Variants in RNF24 observed in about 807,000 individuals in gnomAD.
RNF24 encodes the protein ring finger protein 24.
In RNF24, 14 loss-of-function variants were observed where a neutral mutation model predicts 20.0. The observed-to-expected ratio is 0.70, with a 90% CI of 0.46 to 1.10. The LOEUF (loss-of-function observed/expected upper bound fraction) is 1.10, where lower values mean the gene tolerates loss of function less well. Among genes scored for constraint, RNF24 ranks in the 50% least tolerant of loss-of-function variants. The pLI, the probability that RNF24 is intolerant of heterozygous loss-of-function variation, is 0.00. For missense variants in RNF24, 124 were observed against 177.6 expected, an observed-to-expected ratio of 0.70 and a Z score of 1.71; for synonymous variants, 45 against 61.1, an observed-to-expected ratio of 0.74 and a Z score of 1.23.
chr20:4,015,220 G>C (rs1056422438), intron 1 of RNF24: 12 of 152,468 alleles, frequency 7.9e-5, no homozygotes, highest in African/African-American at 2.9e-4. Context: ...CCGGGGCCGC[G>C]CCGGACCCTC....
chr20:3,986,128 C>G (rs924720674), intron 1 of RNF24, among the ~76,000 whole-genome samples: 1 of 152,146 alleles, frequency 6.6e-6, no homozygotes, highest in African/African-American at 2.4e-5. Flanking sequence ...TGAGACTTCA[C>G]TTTGAGGGCA....
chr20:3,938,992 A>G lies in RNF24; in HGVS notation c.229-3919T>C, dbSNP rs142358496. ...GGTCTCAAACTCCTGAGCTCAAGCA[A>G]TCTTCTCGTCTTGGCCTCCCAACGT... On this transcript the variant is annotated intron_variant, in intron 4 of 5. Transcript: ENST00000358395. 1.6e-3 allele frequency among the ~76,000 whole-genome samples: 241 copies of G among 152,166 alleles called. 1 individual carries two copies. The highest frequency in any genetic ancestry group is 5.2e-3 in the African/African-American group (217 of 41,506).
intron 1 of RNF24, among the ~76,000 whole-genome samples, chr20:3,971,532 TC>T (rs752730166): frequency 2.0e-5 from 3 of 152,198 alleles, no homozygotes; most frequent in Non-Finnish European, 4.4e-5. Flanking sequence ...ATTATAATTG[TC>T]CAACCCGGTT....
rs573537122 is a variant in RNF24, at chr20:3,933,264, G to A, written c.*799C>T. On this transcript the variant is annotated 3_prime_UTR_variant, in exon 6 of 6. Coordinates refer to ENST00000358395, the MANE Select transcript of RNF24 (RefSeq NM_001134337.3). Reference sequence around the variant, plus strand: ...GTGGCTCCCTTCTGAGGCAGTGGCAGTGGGCTCACAGCAGCTACACTGGAA... The same window carrying A: ...GTGGCTCCCTTCTGAGGCAGTGGCAATGGGCTCACAGCAGCTACACTGGAA... 5.8e-4 allele frequency: 232 copies of A among 398,100 alleles called. No individual in the cohort carries two copies. In the Middle Eastern group the frequency reaches 8.2e-3, roughly 14 times the overall value. The allele number at this position is 398,100 out of a possible 1,614,324, so 24.7% of individuals were successfully genotyped here. A position where few individuals can be genotyped will look rare whatever the true frequency, so the allele number is the denominator to read the frequency against.
intron 4 of RNF24, among the ~76,000 whole-genome samples, chr20:3,938,139 T>C (rs940865495): frequency 6.6e-6 from 1 of 152,238 alleles, no homozygotes; most frequent in Non-Finnish European, 1.5e-5. Context: ...TTTTTTACTA[T>C]AGTTATCATA....
chr20:3,955,872 T>G (rs2091136221), intron 2 of RNF24, among the ~76,000 whole-genome samples: 1 of 152,196 alleles, frequency 6.6e-6, no homozygotes, highest in Non-Finnish European at 1.5e-5. Flanking sequence ...TCCTTAAAAT[T>G]TTATTCTTTT....
rs984804889 is a variant in RNF24, at chr20:3,959,260, A to G, written c.143+4615T>C. Among the ~76,000 whole-genome samples the G allele has an allele frequency of 2.6e-5, 4 of 152,198 alleles. No individual in the cohort carries two copies. The East Asian group carries it at 7.7e-4, about 29-fold the overall frequency. ...TTTCTATCTCTCGGAAGGGATTGCTATCTACCCAGCTGCCTAAGCCAGAAG... is the reference window on the plus strand; with the variant it reads ...TTTCTATCTCTCGGAAGGGATTGCTGTCTACCCAGCTGCCTAAGCCAGAAG... On this transcript the variant is annotated intron_variant, in intron 2 of 5. Coordinates refer to ENST00000358395, the MANE Select transcript of RNF24 (RefSeq NM_001134337.3).
chr20:3,968,498 G>A (rs1376787979), intron 1 of RNF24, among the ~76,000 whole-genome samples: 1 of 152,088 alleles, frequency 6.6e-6, no homozygotes, highest in Non-Finnish European at 1.5e-5. Flanking sequence ...TGTGCTTGTA[G>A]TACTAGTTAC....
intron 1 of RNF24, among the ~76,000 whole-genome samples, chr20:3,977,066 A>G (rs1360314756): frequency 6.6e-6 from 1 of 152,204 alleles, no homozygotes; most frequent in Non-Finnish European, 1.5e-5. Flanking sequence ...CTGTGATATT[A>G]GAACTGTATA....
At position 3,934,472 on chromosome 20, in the gene RNF24, C is replaced by G. The variant is rs970140936; in HGVS notation, c.309-271G>C. Among the ~76,000 whole-genome samples, 2 of 152,168 alleles carry G rather than the reference C, an allele frequency of 1.3e-5. No individual in the cohort carries two copies. The highest frequency in any genetic ancestry group is 4.8e-5 in the African/African-American group (2 of 41,428). On this transcript the variant is annotated intron_variant, in intron 5 of 5. Coordinates refer to ENST00000358395, the MANE Select transcript of RNF24 (RefSeq NM_001134337.3). The surrounding 1 kb of genome is among the most constrained non-coding windows in gnomAD (Gnocchi z 4.0). The stretch of plus-strand genomic sequence containing the variant: ...AGCCACAGATAGTATGTGATACTCT[C>G]AGTTACCCATGACTTCTTACAAGAA...
Position 3,934,065 on chromosome 20 carries a change from A to T in RNF24, c.445T>A (p.Ter149LysextTer41). The change falls in exon 6 of 6, where the codon TAG becomes AAG. Residue 149 changes from the stop codon to lysine (K), a stop_lost. Transcript: ENST00000358395. The surrounding 1 kb of genome is among the most constrained non-coding windows in gnomAD (Gnocchi z 4.0). ...AACAGTCTGATCCTTGCGGTAAGCT[A>T]TACAATGTTCTCTGCCCCAGGAAGG... ...GPLPGAENIV[*>K] 3 of 1,493,136 alleles carry T rather than the reference A, an allele frequency of 2.0e-6. No individual in the cohort carries two copies. Among genetic ancestry groups the T allele is most frequent in the Non-Finnish European group, 2.7e-6 (3 of 1,123,842 alleles). 92.5% of individuals were successfully genotyped at this position (1,493,136 alleles called of 1,614,324 possible).
intron 1 of RNF24, among the ~76,000 whole-genome samples, chr20:4,007,438 T>C (rs555841687): frequency 2.8e-4 from 42 of 152,138 alleles, no homozygotes; most frequent in Non-Finnish European, 5.3e-4. Context: ...TTATAGCTGT[T>C]TCAAAAGAAA....
Position 3,934,245 on chromosome 20 carries a change from T to C in RNF24, c.309-44A>G, listed in dbSNP as rs750388037. The C allele has an allele frequency of 6.3e-7, 1 of 1,579,184 alleles. No individual in the cohort carries two copies. The highest frequency in any genetic ancestry group is 8.6e-7 in the Non-Finnish European group (1 of 1,163,156). On this transcript the variant is annotated intron_variant, in intron 5 of 5. Transcript: ENST00000358395. The surrounding 1 kb of genome is among the most constrained non-coding windows in gnomAD (Gnocchi z 4.0). ...CAGGGGGAAGATGTCAGTCCTATGC[T>C]CATGGCACGGCTGTTCTGCTGAACA...
intron 2 of RNF24, among the ~76,000 whole-genome samples, chr20:3,949,818 A>G (rs2091061883): frequency 6.6e-6 from 1 of 152,224 alleles, no homozygotes; most frequent in African/African-American, 2.4e-5. Context: ...ACTTTTCCCA[A>G]TTAGGTTAGT....
At chr20:3,968,676 C>A (rs917223879) in intron 1 of RNF24, among the ~76,000 whole-genome samples, 3 of 152,098 alleles carry the variant, frequency 2.0e-5, no homozygotes, top group African/African-American at 7.2e-5. Context: ...TATTGAGTAT[C>A]TTTATGACCA....
intron 2 of RNF24, among the ~76,000 whole-genome samples, chr20:3,956,154 C>T (rs973586252): frequency 2.6e-5 from 4 of 151,930 alleles, no homozygotes; most frequent in African/African-American, 9.7e-5. Flanking sequence ...CTAGAACTTC[C>T]AGTACAATGC....
intron 1 of RNF24, among the ~76,000 whole-genome samples, chr20:3,979,660 A>C (rs1391367463): frequency 1.3e-5 from 2 of 152,196 alleles, no homozygotes; most frequent in Non-Finnish European, 2.9e-5. Context: ...AGGTGACAAG[A>C]GTGAAACTCC....
intron 1 of RNF24, among the ~76,000 whole-genome samples, chr20:3,967,133 C>T (rs546722650): frequency 1.3e-5 from 2 of 152,232 alleles, no homozygotes; most frequent in South Asian, 2.1e-4. Flanking sequence ...TTAGTTTTTA[C>T]AAAATTTTTA....
intron 4 of RNF24, 107 bp downstream of exon 4, chr20:3,945,070 A>G (rs1290514004): frequency 7.0e-7 from 1 of 1,421,414 alleles, no homozygotes; most frequent in African/African-American, 1.5e-5. Context: ...CCCAATCAAA[A>G]TAAGCCTATT....
Sources: allele counts gnomAD v4.1 joint callset (sites outside exome capture counted in the v4.1 genomes callset), GRCh38; gene constraint gnomAD v4.1.1; non-coding constraint Gnocchi (gnomAD v3.1); transcripts MANE v1.5; gene names NCBI Gene and HGNC (gene_info 2026-07-23, HGNC 2026-07-21).